The following ERAP1 variants were observed in gnomAD, a reference collection of about 807,000 sequenced individuals.
The protein encoded by ERAP1 is endoplasmic reticulum aminopeptidase 1.
Under a neutral mutation model 103.7 loss-of-function variants are expected in ERAP1, and 86 were observed. The ratio of observed to expected loss-of-function variants is 0.83; its 90% CI spans 0.70 to 0.99. The LOEUF is 0.99. Among genes scored for constraint, ERAP1 ranks in the 50% least tolerant of loss-of-function variants. The pLI, the probability that ERAP1 is intolerant of heterozygous loss-of-function variation, is 0.00. For synonymous variants in ERAP1, 398 were observed against 402.4 expected (o/e 0.99, Z 0.13); for missense variants, 1,009 against 1,128.4 (o/e 0.89, Z 1.52).
At chr5:96,902,195 CAGTCTGTCTG>C in the ERAP1 span, 1 of 979,854 alleles carries the variant, frequency 1.0e-6, no homozygotes, top group Non-Finnish European at 1.6e-6. Context: ...GTGCCTTTTA[CAGTCTGTCTG>C]AGTCTGACAA....
the ERAP1 span, among the ~76,000 whole-genome samples, chr5:96,914,886 T>C: frequency 6.6e-6 from 1 of 152,186 alleles, no homozygotes; most frequent in Non-Finnish European, 1.5e-5. Context: ...TTTTAAATTT[T>C]ATATTGTTAT....
At chr5:96,786,986 C>A (rs1776094465) in intron 11 of ERAP1, among the ~76,000 whole-genome samples, 1 of 151,980 alleles carries the variant, frequency 6.6e-6, no homozygotes, top group South Asian at 2.1e-4. Flanking sequence ...AAATAACTGG[C>A]CAGTACTCTT....
rs190240361 is a variant in ERAP1, at chr5:96,807,186, T to C, written c.-18+674A>G. On this transcript the variant is annotated intron_variant, in intron 1 of 18. Coordinates refer to ENST00000443439, the MANE Select transcript of ERAP1 (RefSeq NM_001040458.3). ...AGTGAGGCACCCAGATAGGAAACTT[T>C]TAATTTGCGTCAACAGAGGTGCTTT... 3.4e-3 allele frequency among the ~76,000 whole-genome samples: 517 copies of C among 152,300 alleles called. 4 individuals are homozygous for C. Among genetic ancestry groups the C allele is most frequent in the Non-Finnish European group, 5.4e-3 (365 of 68,020 alleles).
chr5:96,926,586 C>T, the ERAP1 span, among the ~76,000 whole-genome samples: 1 of 152,130 alleles, frequency 6.6e-6, no homozygotes, highest in East Asian at 1.9e-4. Flanking sequence ...GGAATAATAA[C>T]AATATATGGT....
the ERAP1 span, among the ~76,000 whole-genome samples, chr5:96,904,651 C>G: frequency 2.6e-5 from 4 of 152,134 alleles, no homozygotes; most frequent in African/African-American, 9.7e-5. Flanking sequence ...GGAGGTTTGC[C>G]TGCTCAAAGG....
Position 96,775,161 on chromosome 5 carries a change from G to A in ERAP1, c.*1235C>T, listed in dbSNP as rs894193590. ...TATTAACTGACTTGACTTGAACTCC[G>A]TTGGTTTACCATGTTAGTAAACTGT... On this transcript the variant is annotated 3_prime_UTR_variant, in exon 19 of 19. Coordinates refer to ENST00000443439, the MANE Select transcript of ERAP1 (RefSeq NM_001040458.3). 1.0e-5 allele frequency: 10 copies of A among 985,216 alleles called. No individual in the cohort carries two copies. The highest frequency in any genetic ancestry group is 5.3e-5 in the African/African-American group (3 of 57,104). The allele number at this position is 985,216 out of a possible 1,614,324, so 61.0% of individuals were successfully genotyped here. A position where few individuals can be genotyped will look rare whatever the true frequency, so the allele number is the denominator to read the frequency against.
chr5:96,865,092 T>C, the ERAP1 span, among the ~76,000 whole-genome samples: 1 of 152,294 alleles, frequency 6.6e-6, no homozygotes, highest in East Asian at 1.9e-4. Context: ...TTAACTACAA[T>C]TGAAGTGATG....
chr5:96,845,981 G>A, the ERAP1 span, among the ~76,000 whole-genome samples: 1 of 152,160 alleles, frequency 6.6e-6, no homozygotes, highest in African/African-American at 2.4e-5. Flanking sequence ...TTAATCCCTA[G>A]AGGACACAGT....
upstream of ERAP1, among the ~76,000 whole-genome samples, chr5:96,810,984 C>T (rs1779114926): frequency 6.6e-6 from 1 of 152,176 alleles, no homozygotes; most frequent in South Asian, 2.1e-4. Flanking sequence ...TCTTATTAAA[C>T]AGGGCAGCTC....
chr5:96,857,371 T>C, the ERAP1 span, among the ~76,000 whole-genome samples: 11 of 152,226 alleles, frequency 7.2e-5, no homozygotes, highest in African/African-American at 2.4e-4. Context: ...AGTGATCATC[T>C]TGAAGGAAAG....
At chr5:96,851,245 A>G in the ERAP1 span, among the ~76,000 whole-genome samples, 2 of 152,178 alleles carry the variant, frequency 1.3e-5, no homozygotes, top group African/African-American at 4.8e-5. Context: ...GTAATTTTCT[A>G]GGCAATAATT....
the ERAP1 span, among the ~76,000 whole-genome samples, chr5:96,874,174 GAAAGAA>G: frequency 0.1 from 9,437 of 91,284 alleles, 592 homozygotes; most frequent in African/African-American, 0.27. Flanking sequence ...AAGAAAGAAA[GAAAGAA>G]AGAGAGAGAG....
the ERAP1 span, among the ~76,000 whole-genome samples, chr5:96,898,195 CAAT>C: frequency 1.3e-5 from 2 of 151,084 alleles, no homozygotes; most frequent in African/African-American, 2.4e-5. Context: ...GACTCTGTCT[CAAT>C]AATAATAATA....
chr5:96,790,189 G>C (rs1776564511), intron 10 of ERAP1, 107 bp downstream of exon 10: 1 of 903,440 alleles, frequency 1.1e-6, no homozygotes, highest in Admixed American at 1.9e-5. Context: ...TCTGGAATGA[G>C]GGTGATATAA....
the ERAP1 span, among the ~76,000 whole-genome samples, chr5:96,853,922 C>T: frequency 0.048 from 7,257 of 150,810 alleles, 217 homozygotes; most frequent in South Asian, 0.11. Context: ...ATGCTCTTAA[C>T]AGTGATAGCA....
At chr5:96,933,609 A>G in the ERAP1 span, among the ~76,000 whole-genome samples, 1 of 152,160 alleles carries the variant, frequency 6.6e-6, no homozygotes, top group East Asian at 1.9e-4. Context: ...GTAAAACAAA[A>G]CACAAGGTAA....
chr5:96,791,606 A>G (rs1348904453), intron 8 of ERAP1, among the ~76,000 whole-genome samples: 1 of 152,204 alleles, frequency 6.6e-6, no homozygotes, highest in East Asian at 1.9e-4. Context: ...AGAAATCTGG[A>G]TTTTACATAA....
chr5:96,818,200 G>A, the ERAP1 span, among the ~76,000 whole-genome samples: 1 of 152,148 alleles, frequency 6.6e-6, no homozygotes, highest in Admixed American at 6.5e-5. Context: ...CAAAAATCAA[G>A]TTATCATTTG....
rs1159094541 is a variant in ERAP1, at chr5:96,776,197, G to A, written c.*199C>T. 2.8e-6 allele frequency: 4 copies of A among 1,441,534 alleles called. No homozygotes were observed. In the South Asian group the frequency reaches 5.1e-5, roughly 18 times the overall value. The allele number at this position is 1,441,534 out of a possible 1,614,324, so 89.3% of individuals were successfully genotyped here. Reference sequence around the variant, plus strand: ...GGGTTTACGTTGCAGGGCAACACCTGTGATGAACAAAACACATGGTAGCGA... The same window carrying A: ...GGGTTTACGTTGCAGGGCAACACCTATGATGAACAAAACACATGGTAGCGA... On this transcript the variant is annotated 3_prime_UTR_variant, in exon 19 of 19. Transcript: ENST00000443439.
Sources: allele counts gnomAD v4.1 joint callset (sites outside exome capture counted in the v4.1 genomes callset), GRCh38; gene constraint gnomAD v4.1.1; transcripts MANE v1.5; gene names NCBI Gene and HGNC (gene_info 2026-07-23, HGNC 2026-07-21).